EYS: variants seen among roughly 807,000 people sequenced by gnomAD.
EYS encodes protein eyes shut homolog.
EYS carries 250 observed loss-of-function variants against 282.1 expected under a neutral mutation model. The observed-to-expected ratio is 0.89, with a 90% confidence interval of 0.80 to 0.98. The LOEUF (loss-of-function observed/expected upper bound fraction) is 0.98. Among genes scored for constraint, EYS ranks in the 50% least tolerant of loss-of-function variants. The pLI, the probability that EYS is intolerant of heterozygous loss-of-function variation, is 0.00. For missense variants in EYS, 4,016 were observed against 3,709.0 expected, an observed-to-expected ratio of 1.08 and a Z score of -2.15; for synonymous variants, 1,355 against 1,282.9, an observed-to-expected ratio of 1.06 and a Z score of -1.20.
chr6:64,259,647 C>CGT (rs796620340), intron 30 of EYS, among the ~76,000 whole-genome samples: 4,088 of 68,228 alleles, frequency 0.06, 118 homozygotes, highest in African/African-American at 0.17. Context: ...CTTTTACACA[C>CGT]GCGCACACAC....
chr6:64,914,455 C>T (rs1401779069), intron 15 of EYS, among the ~76,000 whole-genome samples: 1 of 151,994 alleles, frequency 6.6e-6, no homozygotes, highest in African/African-American at 2.4e-5. Flanking sequence ...AATAATGTAA[C>T]TTACTTTGTG....
intron 32 of EYS, among the ~76,000 whole-genome samples, chr6:64,069,742 C>T (rs962467462): frequency 1.3e-5 from 2 of 151,946 alleles, no homozygotes; most frequent in Non-Finnish European, 2.9e-5. Context: ...GATCTAAGGA[C>T]CCCTTAAGAC....
intron 26 of EYS, among the ~76,000 whole-genome samples, chr6:64,521,388 G>C (rs772160179): frequency 6.6e-6 from 1 of 151,662 alleles, no homozygotes; most frequent in Non-Finnish European, 1.5e-5. Context: ...GAAGTCACTG[G>C]GAATTTTTTG....
intron 22 of EYS, among the ~76,000 whole-genome samples, chr6:64,638,502 A>T (rs4395704): frequency 0.033 from 3,066 of 91,708 alleles, 1,083 homozygotes; most frequent in East Asian, 0.16. Flanking sequence ...CACAACATAA[A>T]GCTCCTGTCT....
At chr6:65,692,867 T>C (rs1769293952) in intron 1 of EYS, among the ~76,000 whole-genome samples, 1 of 150,230 alleles carries the variant, frequency 6.7e-6, no homozygotes, top group Non-Finnish European at 1.5e-5. Context: ...TTTCAACTCA[T>C]AGAGAAGGTT....
intron 29 of EYS, among the ~76,000 whole-genome samples, chr6:64,329,112 A>G (rs1770537122): frequency 6.6e-6 from 1 of 152,122 alleles, no homozygotes; most frequent in Admixed American, 6.5e-5. Context: ...CGAGGAGCCT[A>G]TGGTCTCAAT....
At chr6:64,462,942 A>ATTTTG (rs777692265) in intron 26 of EYS, among the ~76,000 whole-genome samples, 7 of 105,932 alleles carry the variant, frequency 6.6e-5, no homozygotes, top group Non-Finnish European at 5.9e-5. Context: ...CTCAGCTTTA[A>ATTTTG]TTTTTTTTTT....
chr6:65,508,055 T>A (rs1439535429), intron 2 of EYS, among the ~76,000 whole-genome samples: 2 of 152,186 alleles, frequency 1.3e-5, no homozygotes, highest in Admixed American at 1.3e-4. Flanking sequence ...AACAGGCCTC[T>A]AATGTGGAGA....
chr6:64,533,034 C>T (rs571322543), intron 26 of EYS, among the ~76,000 whole-genome samples: 1 of 152,202 alleles, frequency 6.6e-6, no homozygotes, highest in African/African-American at 2.4e-5. Flanking sequence ...AAAATTAATT[C>T]TGATAGACAA....
intron 5 of EYS, among the ~76,000 whole-genome samples, chr6:65,485,746 A>G (rs115428492): frequency 0.011 from 1,640 of 152,264 alleles, 24 homozygotes; most frequent in African/African-American, 0.037. Context: ...CGGAGGTTGC[A>G]GTGAGCCGAG....
chr6:65,664,181 A>G (rs546481032), intron 1 of EYS, among the ~76,000 whole-genome samples: 9 of 152,182 alleles, frequency 5.9e-5, no homozygotes, highest in African/African-American at 1.9e-4. Context: ...ATAAATTTTT[A>G]TATATTTCAA....
chr6:64,084,243 C>G (rs532002377), intron 31 of EYS, among the ~76,000 whole-genome samples: 1 of 152,308 alleles, frequency 6.6e-6, no homozygotes, highest in African/African-American at 2.4e-5. Flanking sequence ...TGCCTTCTTT[C>G]TTGTCACTTC....
intron 22 of EYS, among the ~76,000 whole-genome samples, chr6:64,774,482 G>C (rs1347793980): frequency 1.3e-5 from 2 of 151,854 alleles, no homozygotes; most frequent in Non-Finnish European, 2.9e-5. Context: ...TGCTTAGTGT[G>C]GAGTAGATTA....
intron 2 of EYS, among the ~76,000 whole-genome samples, chr6:65,599,090 G>C (rs565234133): frequency 2.2e-4 from 34 of 152,124 alleles, no homozygotes; most frequent in Non-Finnish European, 4.6e-4. Flanking sequence ...AGTCAGCCTT[G>C]TGGAAATCAT....
intron 12 of EYS, among the ~76,000 whole-genome samples, chr6:65,064,072 C>T (rs1276686100): frequency 1.4e-5 from 2 of 148,098 alleles, no homozygotes; most frequent in Non-Finnish European, 3.0e-5. Flanking sequence ...ACTAATACTG[C>T]TATACAGTAA....
At chr6:64,251,541 T>C (rs1439572072) in intron 30 of EYS, among the ~76,000 whole-genome samples, 1 of 152,184 alleles carries the variant, frequency 6.6e-6, no homozygotes, top group Non-Finnish European at 1.5e-5. Flanking sequence ...AATTATAAAC[T>C]AATTATTCTT....
At chr6:65,599,750 T>C (rs1765547859) in intron 2 of EYS, among the ~76,000 whole-genome samples, 1 of 152,088 alleles carries the variant, frequency 6.6e-6, no homozygotes, top group Non-Finnish European at 1.5e-5. Context: ...CAGACACCTT[T>C]CCTTCTTAGT....
intron 26 of EYS, among the ~76,000 whole-genome samples, chr6:64,508,495 A>G (rs1268332306): frequency 6.6e-6 from 1 of 151,292 alleles, no homozygotes; most frequent in Non-Finnish European, 1.5e-5. Context: ...CTAAGATCAT[A>G]TGACTAAGGA....
chr6:64,106,169 G>T (rs1256633251), intron 31 of EYS, among the ~76,000 whole-genome samples: 1 of 151,906 alleles, frequency 6.6e-6, no homozygotes, highest in Admixed American at 6.6e-5. Context: ...GGTTTTAATG[G>T]AGTATTTTAT....
Sources: allele counts gnomAD v4.1 joint callset (sites outside exome capture counted in the v4.1 genomes callset), GRCh38; gene constraint gnomAD v4.1.1; transcripts MANE v1.5; gene names NCBI Gene and HGNC (gene_info 2026-07-23, HGNC 2026-07-21).